The following ADK variants were observed in gnomAD, a reference collection of about 807,000 sequenced individuals.
The protein encoded by ADK is N6,N6-dimethyladenosine kinase.
A neutral mutation model predicts 44.7 loss-of-function variants in ADK; 24 were observed. That is an observed-to-expected ratio of 0.54 (90% CI 0.39 to 0.76). The LOEUF is 0.76. ADK is among the 30% of genes least tolerant of loss of function. ADK has a pLI of 0.00. For synonymous variants in ADK, 128 were observed against 142.6 expected (o/e 0.90, Z 0.73); for missense variants, 321 against 425.1 (o/e 0.76, Z 2.15).
chr10:74,604,700 C>T (rs551548435), intron 9 of ADK, among the ~76,000 whole-genome samples: 1 of 152,268 alleles, frequency 6.6e-6, no homozygotes, highest in South Asian at 2.1e-4. Context: ...ATGCCTCCAG[C>T]TTTGTTCTTT....
At chr10:74,510,414 T>C (rs185270911) in intron 6 of ADK, among the ~76,000 whole-genome samples, 2 of 152,208 alleles carry the variant, frequency 1.3e-5, no homozygotes, top group African/African-American at 4.8e-5. Context: ...ATTGGTTTTT[T>C]GCTATTGAGA....
chr10:74,235,190 ATT>A (rs113407499), intron 3 of ADK, among the ~76,000 whole-genome samples: 1 of 110,152 alleles, frequency 9.1e-6, no homozygotes. Flanking sequence ...TTCATAAGGG[ATT>A]TTTTTTTTTT....
chr10:74,603,928 TA>T (rs1852229540), intron 9 of ADK, among the ~76,000 whole-genome samples: 1 of 152,248 alleles, frequency 6.6e-6, no homozygotes, highest in Admixed American at 6.5e-5. Flanking sequence ...TATGACTTTT[TA>T]ATGATCACCA....
intron 7 of ADK, among the ~76,000 whole-genome samples, chr10:74,559,467 T>C (rs972056879): frequency 1.3e-5 from 2 of 152,230 alleles, no homozygotes; most frequent in Non-Finnish European, 2.9e-5. Flanking sequence ...AAAGCTTTTA[T>C]GTTGTTTTCT....
chr10:74,374,541 G>A (rs1842762247), intron 4 of ADK, among the ~76,000 whole-genome samples: 2 of 152,110 alleles, frequency 1.3e-5, no homozygotes, highest in South Asian at 4.1e-4. Context: ...AATTTTCAGA[G>A]ACCCAGGGAG....
chr10:74,547,714 A>C (rs1229388540), intron 7 of ADK, among the ~76,000 whole-genome samples: 1 of 151,940 alleles, frequency 6.6e-6, no homozygotes, highest in African/African-American at 2.4e-5. Flanking sequence ...CTAAGAGTGC[A>C]ATAGCGCCAT....
intron 10 of ADK, among the ~76,000 whole-genome samples, chr10:74,697,239 A>G (rs959422943): frequency 6.6e-6 from 1 of 152,226 alleles, no homozygotes; most frequent in Non-Finnish European, 1.5e-5. Flanking sequence ...GTAAAAAGTG[A>G]ATTAGTAAAA....
chr10:74,633,180 C>T (rs1262986644), intron 9 of ADK, among the ~76,000 whole-genome samples: 1 of 152,200 alleles, frequency 6.6e-6, no homozygotes, highest in Non-Finnish European at 1.5e-5. Context: ...ATTCCTCCTT[C>T]TAGATGTTAC....
At chr10:74,351,011 T>C (rs1841945840) in intron 4 of ADK, among the ~76,000 whole-genome samples, 2 of 152,182 alleles carry the variant, frequency 1.3e-5, no homozygotes, top group Admixed American at 1.3e-4. Context: ...AAAGAGGAGC[T>C]GGTACCATTC....
At chr10:74,266,706 A>G (rs1390012536) in intron 3 of ADK, among the ~76,000 whole-genome samples, 1 of 152,194 alleles carries the variant, frequency 6.6e-6, no homozygotes, top group Non-Finnish European at 1.5e-5. Context: ...TTTGCATTGT[A>G]AAGAAGTTTG....
intron 1 of ADK, among the ~76,000 whole-genome samples, chr10:74,186,258 T>G (rs923964460): frequency 2.0e-5 from 3 of 148,608 alleles, no homozygotes; most frequent in African/African-American, 7.4e-5. Flanking sequence ...GCCTTTCCCC[T>G]TTCCCTTCTC....
rs1328452569 is a variant in ADK, at chr10:74,302,123, T to G, written c.195-12544T>G. Among the ~76,000 whole-genome samples the G allele has an allele frequency of 2.8e-3, 305 of 107,662 alleles. 6 individuals carry two copies. Among genetic ancestry groups the G allele is most frequent in the African/African-American group, 0.012 (290 of 25,200 alleles). 70.6% of individuals were successfully genotyped at this position (107,662 alleles called of 152,430 possible). ...TTTGTTTGTTTGTTTTTTTTTTTTT[T>G]TTTTTTTTTTTTTTTTTTTTTTTGA... On this transcript the variant is annotated intron_variant, in intron 3 of 10. Transcript: ENST00000539909.
At chr10:74,547,444 A>ATATTTATT (rs1230937334) in intron 7 of ADK, among the ~76,000 whole-genome samples, 2 of 25,626 alleles carry the variant, frequency 7.8e-5, no homozygotes, top group East Asian at 9.7e-4. Flanking sequence ...ATATATATAT[A>ATATTTATT]TATTTATTTA....
chr10:74,572,658 G>T (rs1265918920), intron 7 of ADK, among the ~76,000 whole-genome samples: 3 of 152,102 alleles, frequency 2.0e-5, no homozygotes, highest in Non-Finnish European at 4.4e-5. Flanking sequence ...CGTAGATTTG[G>T]TCTTTTCACT....
chr10:74,372,456 G>GT lies in ADK; in HGVS notation c.274-21683dup. 6.5e-6 allele frequency: 3 copies of GT among 462,820 alleles called. No individual in the cohort carries two copies. In the South Asian group the frequency reaches 8.9e-5, roughly 14 times the overall value. The allele number at this position is 462,820 out of a possible 1,614,324, so 28.7% of individuals were successfully genotyped here. Reference sequence around the variant, plus strand: ...CGCTCTTAAGCAACATGGAAATAAGGTTGACGGAAAATAAATGTCAGTTTA... The same window carrying GT: ...CGCTCTTAAGCAACATGGAAATAAGGTTTGACGGAAAATAAATGTCAGTTTA... On this transcript the variant is annotated intron_variant, in intron 4 of 10. Coordinates refer to ENST00000539909, the MANE Select transcript of ADK (RefSeq NM_006721.4).
chr10:74,686,512 C>T (rs1589369189), intron 10 of ADK, among the ~76,000 whole-genome samples: 1 of 152,170 alleles, frequency 6.6e-6, no homozygotes, highest in Non-Finnish European at 1.5e-5. Flanking sequence ...TCACAAGACA[C>T]CAAATGCCAA....
intron 3 of ADK, among the ~76,000 whole-genome samples, chr10:74,273,126 G>T (rs892133061): frequency 6.6e-6 from 1 of 151,868 alleles, no homozygotes; most frequent in African/African-American, 2.4e-5. Context: ...GTTGTGGGGA[G>T]GTCAGTCATC....
chr10:74,458,119 CTTTTTTTTTTTTT>C, intron 6 of ADK, among the ~76,000 whole-genome samples: 1 of 74,466 alleles, frequency 1.3e-5, no homozygotes, highest in East Asian at 3.8e-4. Context: ...TGCATTAAAA[CTTTTTTTTTTTTT>C]TTTTTTTTTT....
chr10:74,671,959 T>TG (rs1469174149), intron 10 of ADK, among the ~76,000 whole-genome samples: 1 of 152,112 alleles, frequency 6.6e-6, no homozygotes, highest in African/African-American at 2.4e-5. Context: ...CGATACTAGG[T>TG]GAGAACATGT....
Sources: gnomAD v4.1 joint callset for allele counts (sites outside exome capture counted in the v4.1 genomes callset) on GRCh38, gnomAD v4.1.1 for gene constraint, MANE v1.5 for transcripts, NCBI Gene and HGNC (gene_info 2026-07-23, HGNC 2026-07-21) for gene names.